The following PTPRD variants were observed in gnomAD, a reference collection of about 807,000 sequenced individuals.
PTPRD encodes receptor-type tyrosine-protein phosphatase delta.
Under a neutral mutation model 214.5 loss-of-function variants are expected in PTPRD, and 34 were observed. The observed-to-expected ratio is 0.16, with a 90% CI of 0.12 to 0.21. The LOEUF is 0.21. Among genes scored for constraint, PTPRD ranks in the 10% least tolerant of loss-of-function variants. The pLI is 1.00. For missense variants in PTPRD, 2,545 were observed against 2,398.7 expected (o/e 1.06, Z -1.27); for synonymous variants, 1,128 against 845.7 (o/e 1.33, Z -5.79).
intron 14 of PTPRD, among the ~76,000 whole-genome samples, chr9:8,533,169 G>A (rs930651349): frequency 6.6e-6 from 1 of 151,986 alleles, no homozygotes; most frequent in African/African-American, 2.4e-5. Flanking sequence ...CACAAACACT[G>A]AATCTCTTCT....
At chr9:8,991,127 G>A (rs1277773687) in intron 11 of PTPRD, among the ~76,000 whole-genome samples, 1 of 151,450 alleles carries the variant, frequency 6.6e-6, no homozygotes, top group African/African-American at 2.4e-5. Flanking sequence ...GCTGAGGCAG[G>A]AGAATCACTT....
At chr9:10,013,129 G>A (rs1265679937) in intron 4 of PTPRD, among the ~76,000 whole-genome samples, 2 of 151,730 alleles carry the variant, frequency 1.3e-5, no homozygotes, top group Non-Finnish European at 3.0e-5. Flanking sequence ...GTTATGTTGT[G>A]AGTATACCGA....
At chr9:9,488,673 G>C (rs1000452773) in intron 8 of PTPRD, among the ~76,000 whole-genome samples, 13 of 152,318 alleles carry the variant, frequency 8.5e-5, no homozygotes, top group African/African-American at 3.1e-4. Flanking sequence ...TGCACTTGCA[G>C]AGTATATCTG....
At position 9,311,176 on chromosome 9, in the gene PTPRD, A is replaced by G. The variant is rs1958885108; in HGVS notation, c.-203+86273T>C. The stretch of plus-strand genomic sequence containing the variant: ...GCTTTCATGAAATTATCTCAGAACA[A>G]CACAATGAATTAGCTGTTTTCATTC... On this transcript the variant is annotated intron_variant, in intron 9 of 45. Coordinates refer to ENST00000381196, the MANE Select transcript of PTPRD (RefSeq NM_002839.4). Among the ~76,000 whole-genome samples, 2 of 152,286 alleles carry G rather than the reference A, an allele frequency of 1.3e-5. 1 individual carries two copies. The highest frequency in any genetic ancestry group is 4.1e-4 in the South Asian group (2 of 4,830).
At chr9:8,977,590 G>T (rs929815185) in intron 11 of PTPRD, among the ~76,000 whole-genome samples, 3 of 151,290 alleles carry the variant, frequency 2.0e-5, no homozygotes, top group Admixed American at 2.0e-4. Flanking sequence ...TTGTTTAAAT[G>T]TCATCCCAAG....
intron 13 of PTPRD, among the ~76,000 whole-genome samples, chr9:8,634,324 C>T (rs1340023535): frequency 6.6e-6 from 1 of 151,680 alleles, no homozygotes; most frequent in African/African-American, 2.4e-5. Flanking sequence ...TGCTGCATTC[C>T]TTCAGCTGTT....
chr9:9,441,125 G>A (rs1007087179), intron 8 of PTPRD, among the ~76,000 whole-genome samples: 2 of 151,288 alleles, frequency 1.3e-5, no homozygotes, highest in African/African-American at 4.9e-5. Context: ...GTGTGACCTT[G>A]AATGAGGTGT....
intron 10 of PTPRD, among the ~76,000 whole-genome samples, chr9:9,160,956 C>T (rs145948081): frequency 5.5e-4 from 84 of 152,172 alleles, no homozygotes; most frequent in African/African-American, 2.0e-3. Context: ...ATCTCACTTA[C>T]GTTACTTATA....
At chr9:8,881,419 A>C (rs886459809) in intron 11 of PTPRD, among the ~76,000 whole-genome samples, 3 of 152,188 alleles carry the variant, frequency 2.0e-5, no homozygotes, top group Non-Finnish European at 4.4e-5. Context: ...AGTTACGTAC[A>C]TTTTTCCTCT....
At chr9:10,566,448 CAACT>C (rs1394232934) in intron 2 of PTPRD, among the ~76,000 whole-genome samples, 3 of 152,060 alleles carry the variant, frequency 2.0e-5, no homozygotes, top group South Asian at 2.1e-4. Flanking sequence ...AAAAAATTTG[CAACT>C]AACCTGGAAT....
At chr9:10,337,968 AT>A (rs1005019263) in intron 3 of PTPRD, among the ~76,000 whole-genome samples, 2 of 151,664 alleles carry the variant, frequency 1.3e-5, no homozygotes, top group Admixed American at 6.6e-5. Context: ...CTAATATAAA[AT>A]TTTTTTTAAA....
chr9:9,594,041 T>C (rs976302012), intron 7 of PTPRD, among the ~76,000 whole-genome samples: 5 of 152,188 alleles, frequency 3.3e-5, no homozygotes, highest in Admixed American at 2.6e-4. Flanking sequence ...CGATAGTTAA[T>C]GAGGCAGTGA....
intron 3 of PTPRD, among the ~76,000 whole-genome samples, chr9:10,061,617 A>T (rs2154169463): frequency 6.6e-6 from 1 of 152,192 alleles, no homozygotes; most frequent in East Asian, 1.9e-4. Context: ...ATGTCATTTA[A>T]TAAAAGCTGC....
chr9:8,882,884 C>CAAAAA (rs759863465), intron 11 of PTPRD, among the ~76,000 whole-genome samples: 6 of 101,040 alleles, frequency 5.9e-5, no homozygotes, highest in East Asian at 6.4e-4. Flanking sequence ...GGCTCTGTCT[C>CAAAAA]AAAAAAAAAA....
At chr9:8,790,202 G>A (rs2096170105) in intron 11 of PTPRD, among the ~76,000 whole-genome samples, 1 of 151,662 alleles carries the variant, frequency 6.6e-6, no homozygotes, top group African/African-American at 2.4e-5. Context: ...TTTTTGTAGA[G>A]ACGGGATCTC....
In PTPRD at chr9:8,565,049, G is replaced by A. The variant is rs149927405; in HGVS notation, c.353-36270C>T. Among the ~76,000 whole-genome samples the A allele has an allele frequency of 2.9e-4, 44 of 152,246 alleles. No homozygotes were observed. In the East Asian group the frequency reaches 7.9e-3, roughly 27 times the overall value. ...AATGCCCTCAAATGAAAGTAATTATGAAGCTACTCACAAAATTAGAAGTAA... is the reference window on the plus strand; with the variant it reads ...AATGCCCTCAAATGAAAGTAATTATAAAGCTACTCACAAAATTAGAAGTAA... On this transcript the variant is annotated intron_variant, in intron 14 of 45. Transcript: ENST00000381196.
chr9:10,029,434 C>A (rs899572024), intron 4 of PTPRD, among the ~76,000 whole-genome samples: 2 of 152,200 alleles, frequency 1.3e-5, no homozygotes, highest in African/African-American at 4.8e-5. Flanking sequence ...GTGAAAGCAG[C>A]TGGGAGGGAG....
intron 10 of PTPRD, among the ~76,000 whole-genome samples, chr9:9,041,033 A>T (rs1487270648): frequency 6.6e-6 from 1 of 152,116 alleles, no homozygotes; most frequent in African/African-American, 2.4e-5. Context: ...CTTTCAGATG[A>T]CAAATTGTAG....
intron 8 of PTPRD, among the ~76,000 whole-genome samples, chr9:9,503,046 G>T (rs2096468118): frequency 6.6e-6 from 1 of 151,742 alleles, no homozygotes; most frequent in Non-Finnish European, 1.5e-5. Context: ...TTGTGTCAAG[G>T]TCTGTGTATT....
Sources: gnomAD v4.1 joint callset for allele counts (sites outside exome capture counted in the v4.1 genomes callset) on GRCh38, gnomAD v4.1.1 for gene constraint, MANE v1.5 for transcripts, NCBI Gene and HGNC (gene_info 2026-07-23, HGNC 2026-07-21) for gene names.